PRPSAP2: variants seen among roughly 807,000 people sequenced by gnomAD.
PRPSAP2 encodes phosphoribosyl pyrophosphate synthase-associated protein 2.
Under a neutral mutation model 40.6 loss-of-function variants are expected in PRPSAP2, and 24 were observed. The observed-to-expected ratio is 0.59, with a 90% CI of 0.43 to 0.83. The LOEUF (loss-of-function observed/expected upper bound fraction) is 0.83, where lower values mean the gene tolerates loss of function less well. Among genes scored for constraint, PRPSAP2 ranks in the 40% least tolerant of loss-of-function variants. The pLI is 0.00. For synonymous variants in PRPSAP2, 149 were observed against 164.7 expected (o/e 0.90, Z 0.73); for missense variants, 292 against 465.6 (o/e 0.63, Z 3.43).
intron 8 of PRPSAP2, among the ~76,000 whole-genome samples, chr17:18,907,376 T>C (rs931539210): frequency 6.6e-6 from 1 of 152,310 alleles, no homozygotes; most frequent in Non-Finnish European, 1.5e-5. Flanking sequence ...ATTTATAAAC[T>C]AAATGACAGT....
chr17:18,889,636 CTG>C (rs751924458), intron 7 of PRPSAP2, among the ~76,000 whole-genome samples, 184 bp from the exon 8 acceptor site: 43 of 152,200 alleles, frequency 2.8e-4, no homozygotes, highest in Non-Finnish European at 3.1e-4. Context: ...TAAAAGAAGT[CTG>C]TGTGGCTCAC....
At chr17:18,887,565 A>T (rs1195426159) in intron 7 of PRPSAP2, among the ~76,000 whole-genome samples, 5 of 152,106 alleles carry the variant, frequency 3.3e-5, no homozygotes, top group African/African-American at 1.2e-4. Flanking sequence ...TAAGTATTTC[A>T]TCCCTTCTAT....
intron 1 of PRPSAP2, among the ~76,000 whole-genome samples, chr17:18,858,828 T>C (rs1250482232): frequency 6.8e-6 from 1 of 147,428 alleles, no homozygotes; most frequent in Non-Finnish European, 1.5e-5. Context: ...GAAAGGAGTA[T>C]GAAAATGCGG....
chr17:18,909,240 CTTTTTTTTTTT>C (rs71155371), intron 8 of PRPSAP2, among the ~76,000 whole-genome samples: 1 of 95,994 alleles, frequency 1.0e-5, no homozygotes, highest in Admixed American at 1.1e-4. Flanking sequence ...ACAGTGTGGC[CTTTTTTTTTTT>C]TTTTTTTTGA....
At chr17:18,905,985 G>A (rs1228250854) in intron 8 of PRPSAP2, among the ~76,000 whole-genome samples, 2 of 152,158 alleles carry the variant, frequency 1.3e-5, no homozygotes, top group African/African-American at 2.4e-5. Flanking sequence ...TTTATCAAAT[G>A]TTATTAAAAT....
rs576116818 is a variant in PRPSAP2, at chr17:18,898,979, G to A, written c.584+9102G>A. ...TGCAATGGCGTGATCTTGGCTCACC[G>A]TTGCAACCTCTGCCTCTTGGGTTCA... On this transcript the variant is annotated intron_variant, in intron 8 of 11. Coordinates refer to ENST00000268835, the MANE Select transcript of PRPSAP2 (RefSeq NM_002767.4). 3.3e-5 allele frequency among the ~76,000 whole-genome samples: 5 copies of A among 152,130 alleles called. No homozygotes were observed. The South Asian group carries it at 6.2e-4, about 19-fold the overall frequency.
At chr17:18,881,601 A>G (rs1442055869) in intron 6 of PRPSAP2, among the ~76,000 whole-genome samples, 6 of 151,080 alleles carry the variant, frequency 4.0e-5, no homozygotes, top group Admixed American at 2.6e-4. Flanking sequence ...CAGTGGCTCA[A>G]TCTCAGCTCA....
intron 9 of PRPSAP2, among the ~76,000 whole-genome samples, chr17:18,916,774 A>C (rs1193070091): frequency 6.6e-6 from 1 of 152,204 alleles, no homozygotes; most frequent in East Asian, 1.9e-4. Context: ...TTGGTGTCTG[A>C]TGAGGGCTCA....
intron 8 of PRPSAP2, among the ~76,000 whole-genome samples, chr17:18,892,172 G>C (rs2039586945): frequency 6.6e-6 from 1 of 152,088 alleles, no homozygotes; most frequent in Non-Finnish European, 1.5e-5. Context: ...CAGTCCTTTT[G>C]ATGGCTGAGT....
At chr17:18,916,476 G>A (rs2041325366) in intron 9 of PRPSAP2, among the ~76,000 whole-genome samples, 1 of 151,390 alleles carries the variant, frequency 6.6e-6, no homozygotes, top group Non-Finnish European at 1.5e-5. Flanking sequence ...CCACCTCCCG[G>A]GTTCAAGCGA....
intron 3 of PRPSAP2, 80 bp downstream of exon 3, chr17:18,866,032 T>A: frequency 9.5e-7 from 1 of 1,055,182 alleles, no homozygotes; most frequent in Non-Finnish European, 1.2e-6. Context: ...CAGTTATTGT[T>A]AAATTTGAAA....
intron 5 of PRPSAP2, among the ~76,000 whole-genome samples, chr17:18,874,737 C>G (rs1025332857): frequency 2.0e-5 from 3 of 152,232 alleles, no homozygotes; most frequent in African/African-American, 7.2e-5. Context: ...TTTCCCCTTT[C>G]CCACGTCTGC....
chr17:18,889,626 T>A (rs1042581783), intron 7 of PRPSAP2, among the ~76,000 whole-genome samples, 196 bp from the exon 8 acceptor site: 3 of 152,244 alleles, frequency 2.0e-5, no homozygotes, highest in African/African-American at 7.2e-5. Flanking sequence ...ACTTTTTTCC[T>A]AAAAGAAGTC....
At chr17:18,898,104 T>C (rs1375892343) in intron 8 of PRPSAP2, among the ~76,000 whole-genome samples, 1 of 150,060 alleles carries the variant, frequency 6.7e-6, no homozygotes, top group Admixed American at 6.8e-5. Flanking sequence ...GTTCAAGTGA[T>C]TCTCCTGTCT....
Position 18,930,641 on chromosome 17 carries a change from G to C in PRPSAP2, c.1053G>C (p.Arg351=). The C allele has an allele frequency of 1.2e-6, 2 of 1,613,958 alleles. No individual in the cohort carries two copies. The highest frequency in any genetic ancestry group is 1.7e-6 in the Non-Finnish European group (2 of 1,179,886). ...TGATCCTTTCAGAGGCGATCCGTCG[G>C]ATCCACAATGGGGAGTCCATGTCCT... ...ISMILSEAIR[R]IHNGESMSYL... Residue 351 remains arginine, a synonymous_variant, in exon 12 of 12, where the codon CGG becomes CGC. Transcript: ENST00000268835.
chr17:18,878,219 G>A (rs1459246021), intron 6 of PRPSAP2, among the ~76,000 whole-genome samples: 1 of 152,140 alleles, frequency 6.6e-6, no homozygotes, highest in East Asian at 1.9e-4. Context: ...CCCTGCTGGA[G>A]TTTTATTTTT....
intron 8 of PRPSAP2, among the ~76,000 whole-genome samples, chr17:18,897,991 C>CTTTTTTTTTTTTTTTTTTTTTTTTTT (rs71155370): frequency 8.6e-6 from 1 of 116,332 alleles, no homozygotes; most frequent in Non-Finnish European, 1.7e-5. Flanking sequence ...AGAATTTTTG[C>CTTTTTTTTTTTTTTTTTTTTTTTTTT]TTTTTTTTTT....
chr17:18,877,945 AG>A, intron 6 of PRPSAP2, 75 bp downstream of exon 6: 1 of 1,450,856 alleles, frequency 6.9e-7, no homozygotes, highest in South Asian at 1.3e-5. Flanking sequence ...TTTTTAAGAC[AG>A]GGTCTTGCCC....
intron 5 of PRPSAP2, among the ~76,000 whole-genome samples, chr17:18,874,629 G>C (rs1225553599): frequency 6.6e-6 from 1 of 152,158 alleles, no homozygotes; most frequent in Non-Finnish European, 1.5e-5. Context: ...CCTTTGCCAC[G>C]GTGCCCTAGC....
Sources: allele counts gnomAD v4.1 joint callset (sites outside exome capture counted in the v4.1 genomes callset), GRCh38; gene constraint gnomAD v4.1.1; transcripts MANE v1.5; gene names NCBI Gene and HGNC (gene_info 2026-07-23, HGNC 2026-07-21).